ZC3H13: variants seen among roughly 807,000 people sequenced by gnomAD.
ZC3H13 encodes the protein zinc finger CCCH domain-containing protein 13.
In ZC3H13, 64 loss-of-function variants were observed where a neutral mutation model predicts 204.1. The ratio of observed to expected loss-of-function variants is 0.31; its 90% CI spans 0.26 to 0.39. The LOEUF (loss-of-function observed/expected upper bound fraction) is 0.39. ZC3H13 is among the 10% of genes least tolerant of loss of function. The pLI, the probability that ZC3H13 is intolerant of heterozygous loss-of-function variation, is 1.00. For synonymous variants in ZC3H13, 667 were observed against 693.7 expected (o/e 0.96, Z 0.60); for missense variants, 1,833 against 2,082.7 (o/e 0.88, Z 2.33).
In ZC3H13 at chr13:45,969,324, C is replaced by T; in HGVS notation, c.3220G>A (p.Asp1074Asn). 6.2e-7 allele frequency: 1 copy of T among 1,613,900 alleles called. No individual in the cohort carries two copies. The highest frequency in any genetic ancestry group is 8.5e-7 in the Non-Finnish European group (1 of 1,179,992). Reference protein sequence around the residue: ...FSDWSDEDVPDRTEVTEAEHT... With the variant: ...FSDWSDEDVPNRTEVTEAEHT... Reference sequence around the variant, plus strand: ...TCTGCTTCTGTCACCTCTGTACGGTCAGGGACATCCTCATCAGACCAGTCA... The same window carrying T: ...TCTGCTTCTGTCACCTCTGTACGGTTAGGGACATCCTCATCAGACCAGTCA... Residue 1074 changes from aspartate to asparagine, a missense_variant, in exon 14 of 19, where the codon GAC becomes AAC. Asp to Asn is a conservative substitution (Grantham distance 23). Around this residue, in one of 5 missense-constraint regions of ZC3H13, gnomAD observed 1,574 missense variants for 1,757.2 expected, o/e 0.90. Coordinates refer to ENST00000679008, the MANE Select transcript of ZC3H13 (RefSeq NM_001330564.2).
At chr13:46,027,674 T>A (rs2042622484) in intron 4 of ZC3H13, among the ~76,000 whole-genome samples, 1 of 151,972 alleles carries the variant, frequency 6.6e-6, no homozygotes, top group South Asian at 2.1e-4. Context: ...TATCCCAGAG[T>A]AAAGAACTGG....
rs538980516 is a variant in ZC3H13 at position 45,983,150 on chromosome 13, G to C, written c.1720+2147C>G. ...CATTTTGCATTCAACCATTACAAAT[G>C]CAACTCCTTTGAAAGCATATGCAGA... On this transcript the variant is annotated intron_variant, in intron 10 of 18. Coordinates refer to ENST00000679008, the MANE Select transcript of ZC3H13 (RefSeq NM_001330564.2). Among the ~76,000 whole-genome samples, 20 of 151,884 alleles carry C rather than the reference G, an allele frequency of 1.3e-4. 1 individual carries two copies. Among genetic ancestry groups the C allele is most frequent in the African/African-American group, 4.8e-4 (20 of 41,380 alleles).
At chr13:45,975,203 T>G (rs1443904224) in intron 12 of ZC3H13, 80 bp downstream of exon 12, 21 of 1,513,636 alleles carry the variant, frequency 1.4e-5, no homozygotes, top group Non-Finnish European at 1.9e-5. Flanking sequence ...AAATTAAGAG[T>G]ATATTGAAAA....
chr13:46,035,983 A>G (rs568121568), intron 4 of ZC3H13, among the ~76,000 whole-genome samples: 1 of 152,234 alleles, frequency 6.6e-6, no homozygotes, highest in Admixed American at 6.5e-5. Context: ...TCAAGATGGC[A>G]GAAAAAGAAC....
intron 1 of ZC3H13, among the ~76,000 whole-genome samples, chr13:46,046,646 C>T (rs140881432): frequency 1.5e-4 from 22 of 145,168 alleles, no homozygotes; most frequent in African/African-American, 4.7e-4. Context: ...CCAGCCTGGG[C>T]GACAAAGCGA....
At chr13:46,044,265 T>C (rs1304777565) in intron 3 of ZC3H13, among the ~76,000 whole-genome samples, 1 of 152,056 alleles carries the variant, frequency 6.6e-6, no homozygotes, top group African/African-American at 2.4e-5. Context: ...CAATTTTGGA[T>C]CTAGGTAAAT....
chr13:45,990,610 A>G (rs2039899885), intron 8 of ZC3H13, among the ~76,000 whole-genome samples: 1 of 152,220 alleles, frequency 6.6e-6, no homozygotes, highest in South Asian at 2.1e-4. Context: ...AATTGACTCT[A>G]AATAGAAATT....
At chr13:46,035,559 C>G (rs927657602) in intron 4 of ZC3H13, among the ~76,000 whole-genome samples, 1 of 152,182 alleles carries the variant, frequency 6.6e-6, no homozygotes, top group African/African-American at 2.4e-5. Flanking sequence ...GTGGTAGATA[C>G]ACTGTACCTC....
Position 45,968,874 on chromosome 13 carries a change from G to T in ZC3H13, c.3670C>A (p.Arg1224=). The change falls in exon 14 of 19, where the codon CGA becomes AGA. Residue 1224 remains arginine (R), a synonymous_variant. Coordinates refer to ENST00000679008, the MANE Select transcript of ZC3H13 (RefSeq NM_001330564.2). ...AHRSGDDQSG[R]KRVLHSGSRD... is the part of the protein sequence containing the mutation. ...GAGCCACTGTGCAGTACTCTCTTTC[G>T]ACCACTTTGGTCATCTCCACTTCGA... 1.2e-6 allele frequency: 2 copies of T among 1,613,832 alleles called. No individual in the cohort carries two copies. Among genetic ancestry groups the T allele is most frequent in the Non-Finnish European group, 1.7e-6 (2 of 1,179,982 alleles).
rs759872074 is a variant in ZC3H13, at chr13:45,959,590, G to A, written c.4732C>T (p.Arg1578Ter). The change falls in exon 18 of 19, where the codon CGA (arginine) becomes TGA (stop). Residue 1578 changes from arginine to a stop codon, truncating the protein, a stop_gained. Coordinates refer to ENST00000679008, the MANE Select transcript of ZC3H13 (RefSeq NM_001330564.2). LOFTEE classifies it high-confidence loss of function. ...LGALNMAALL[R>*]KEERASLLSN... ...AGAAGACTTGCTCTTTCTTCTTTTC[G>A]TAGTAATGCAGCCATATTGAGAGCC... 1 of 1,548,180 alleles carries A rather than the reference G, an allele frequency of 6.5e-7. No homozygotes were observed.
chr13:46,025,478 A>G (rs566990005), intron 4 of ZC3H13, among the ~76,000 whole-genome samples: 1 of 151,966 alleles, frequency 6.6e-6, no homozygotes, highest in East Asian at 1.9e-4. Flanking sequence ...CTAATTAAAA[A>G]ATTTTTTTAT....
chr13:46,033,074 T>C (rs751824994), intron 4 of ZC3H13, among the ~76,000 whole-genome samples: 14 of 152,246 alleles, frequency 9.2e-5, no homozygotes, highest in South Asian at 2.1e-4. Flanking sequence ...ACAGCAATCA[T>C]GGGACAGAAG....
chr13:46,030,314 G>A (rs1211156424), intron 4 of ZC3H13, among the ~76,000 whole-genome samples: 1 of 152,120 alleles, frequency 6.6e-6, no homozygotes, highest in Non-Finnish European at 1.5e-5. Flanking sequence ...GCTAACATGA[G>A]AAACAAGGAA....
intron 11 of ZC3H13, among the ~76,000 whole-genome samples, chr13:45,979,273 T>C (rs1042653029): frequency 1.3e-5 from 2 of 152,116 alleles, no homozygotes; most frequent in Non-Finnish European, 2.9e-5. Context: ...ACAGAAAAAG[T>C]TTTAGCTTAA....
intron 12 of ZC3H13, among the ~76,000 whole-genome samples, chr13:45,974,942 G>A (rs1952894008): frequency 6.6e-6 from 1 of 151,838 alleles, no homozygotes; most frequent in South Asian, 2.1e-4. Context: ...TGCCTCTCAG[G>A]TTCAAACAAT....
At chr13:45,979,745 A>G in intron 11 of ZC3H13, 68 bp downstream of exon 11, 1 of 1,442,398 alleles carries the variant, frequency 6.9e-7, no homozygotes, top group Non-Finnish European at 9.3e-7. Context: ...GTAAATTGGT[A>G]ACTGTTTGAA....
intron 16 of ZC3H13, 27 bp downstream of exon 16, chr13:45,965,253 T>G: frequency 6.2e-7 from 1 of 1,609,618 alleles, no homozygotes. Flanking sequence ...ATAATTTTCA[T>G]GTTTAACCAC....
At position 45,969,240 on chromosome 13, in the gene ZC3H13, G is replaced by A; in HGVS notation, c.3304C>T (p.Pro1102Ser). ...STPSPLSSLL[P>S]PPPPVATATA... is the part of the protein sequence containing the mutation. ...GCAGTAGCCACAGGCGGTGGAGGAG[G>A]AAGAAGAGAAGATAGAGGAGAAGGG... The change falls in exon 14 of 19, where the codon CCT (proline) becomes TCT (serine). Residue 1102 changes from proline (P) to serine (S), a missense_variant. Pro to Ser is a moderately conservative substitution (Grantham distance 74, BLOSUM62 -1). Transcript: ENST00000679008. The A allele has an allele frequency of 1.9e-6, 3 of 1,614,006 alleles. No individual in the cohort carries two copies. Among genetic ancestry groups the A allele is most frequent in the Non-Finnish European group, 2.5e-6 (3 of 1,180,000 alleles).
intron 12 of ZC3H13, among the ~76,000 whole-genome samples, chr13:45,972,702 AC>A (rs1387088352): frequency 2.0e-5 from 3 of 152,198 alleles, no homozygotes; most frequent in Non-Finnish European, 2.9e-5. Flanking sequence ...AAGCTTGTGT[AC>A]TACTTTATCC....
Sources: gnomAD v4.1 joint callset for allele counts (sites outside exome capture counted in the v4.1 genomes callset) on GRCh38, gnomAD v4.1.1 for gene constraint, gnomAD v4.1.1 regional missense constraint, MANE v1.5 for transcripts, NCBI Gene and HGNC (gene_info 2026-07-23, HGNC 2026-07-21) for gene names.